TCERG1L: variants seen among roughly 807,000 people sequenced by gnomAD.
TCERG1L encodes transcription elongation regulator 1 like, also known as transcription elongation regulator 1-like protein.
Under a neutral mutation model 56.3 loss-of-function variants are expected in TCERG1L, and 37 were observed. That is an observed-to-expected ratio of 0.66 (90% CI 0.51 to 0.87). TCERG1L has a LOEUF of 0.87. TCERG1L is among the 40% of genes least tolerant of loss of function. TCERG1L has a pLI of 0.00. For synonymous variants in TCERG1L, 324 were observed against 326.3 expected, an observed-to-expected ratio of 0.99 and a Z score of 0.08; for missense variants, 799 against 774.2, an observed-to-expected ratio of 1.03 and a Z score of -0.38.
intron 4 of TCERG1L, among the ~76,000 whole-genome samples, chr10:131,211,071 T>C (rs1490710634): frequency 6.6e-6 from 1 of 152,240 alleles, no homozygotes; most frequent in Non-Finnish European, 1.5e-5. Flanking sequence ...ACGTTTGTTC[T>C]CTGAAGCTGC....
At chr10:131,105,271 A>G (rs1015003637) in intron 9 of TCERG1L, among the ~76,000 whole-genome samples, 16 of 152,130 alleles carry the variant, frequency 1.1e-4, no homozygotes, top group African/African-American at 3.9e-4. Context: ...ATGACTCTTC[A>G]CTGACAGTGG....
At chr10:131,137,438 C>T (rs76097823) in intron 7 of TCERG1L, among the ~76,000 whole-genome samples, 3,064 of 152,308 alleles carry the variant, frequency 0.02, 43 homozygotes, top group South Asian at 0.039. Flanking sequence ...CTCAACTCCC[C>T]GGGCCCTCCG....
At chr10:131,139,690 C>CTGTG (rs10534161) in intron 7 of TCERG1L, among the ~76,000 whole-genome samples, 1 of 150,188 alleles carries the variant, frequency 6.7e-6, no homozygotes, top group African/African-American at 2.5e-5. Context: ...GTGTGTGTGT[C>CTGTG]TGTGTGTGTG....
chr10:131,251,312 G>A (rs1316331803), intron 4 of TCERG1L, among the ~76,000 whole-genome samples: 1 of 115,182 alleles, frequency 8.7e-6, no homozygotes, highest in African/African-American at 3.7e-5. Flanking sequence ...CCTCCCCCCG[G>A]CCCCTCCTCC....
chr10:131,169,411 C>T (rs1286208125), intron 4 of TCERG1L, among the ~76,000 whole-genome samples: 6 of 152,178 alleles, frequency 3.9e-5, no homozygotes, highest in African/African-American at 7.2e-5. Flanking sequence ...CCACCGTTCC[C>T]CTGCCCTCAC....
chr10:131,215,514 C>T (rs922913541), intron 4 of TCERG1L, among the ~76,000 whole-genome samples: 7 of 152,208 alleles, frequency 4.6e-5, no homozygotes, highest in African/African-American at 1.4e-4. Context: ...ATGAATCCAA[C>T]CCGAGGAAAC....
intron 9 of TCERG1L, among the ~76,000 whole-genome samples, chr10:131,108,705 C>A (rs1329713166): frequency 6.6e-6 from 1 of 152,208 alleles, no homozygotes; most frequent in East Asian, 1.9e-4. Context: ...AGCATGGGGG[C>A]ATTGGGCTCC....
rs1246439674 is a variant in TCERG1L, at chr10:131,103,371, C to T, written c.1485+894G>A. Among the ~76,000 whole-genome samples, 2 of 152,126 alleles carry T rather than the reference C, an allele frequency of 1.3e-5. No homozygotes were observed. Among genetic ancestry groups the T allele is most frequent in the Non-Finnish European group, 2.9e-5 (2 of 68,030 alleles). On this transcript the variant is annotated intron_variant, in intron 10 of 11. Coordinates refer to ENST00000368642, the MANE Select transcript of TCERG1L (RefSeq NM_174937.4). This position sits in a 1 kb window ranked among gnomAD's most constrained non-coding sequence, Gnocchi z 4.3. The stretch of plus-strand genomic sequence containing the variant: ...GACAGGCAGTTGTTGGGCAGGTGTC[C>T]TTGCAGAAGTGCTTTTTGTGTGTAT...
intron 11 of TCERG1L, among the ~76,000 whole-genome samples, chr10:131,097,927 T>A (rs1761572687): frequency 6.6e-6 from 1 of 152,200 alleles, no homozygotes; most frequent in Non-Finnish European, 1.5e-5. Context: ...GTAGTCAGCT[T>A]TGCATTTTTG....
intron 4 of TCERG1L, among the ~76,000 whole-genome samples, chr10:131,217,911 A>C (rs1244922455): frequency 6.6e-6 from 1 of 151,964 alleles, no homozygotes; most frequent in African/African-American, 2.4e-5. Context: ...TTTTTAGTAC[A>C]GACGAGGTTT....
At chr10:131,301,812 T>TA (rs2133582715) in intron 3 of TCERG1L, among the ~76,000 whole-genome samples, 1 of 151,696 alleles carries the variant, frequency 6.6e-6, no homozygotes, top group South Asian at 2.1e-4. Context: ...TAAAAGAAAA[T>TA]AAAAAAGCAG....
chr10:131,264,614 A>G (rs1330797009), intron 3 of TCERG1L, among the ~76,000 whole-genome samples: 1 of 152,188 alleles, frequency 6.6e-6, no homozygotes, highest in Non-Finnish European at 1.5e-5. Context: ...GCAGCAGGGA[A>G]AGGCTCGGGC....
At chr10:131,172,766 G>A (rs1847965080) in intron 4 of TCERG1L, among the ~76,000 whole-genome samples, 1 of 152,188 alleles carries the variant, frequency 6.6e-6, no homozygotes, top group African/African-American at 2.4e-5. Context: ...GGAGTCACTG[G>A]AGCCCTGTTT....
intron 4 of TCERG1L, among the ~76,000 whole-genome samples, chr10:131,217,969 C>A (rs1191324522): frequency 2.0e-5 from 3 of 152,092 alleles, no homozygotes; most frequent in Non-Finnish European, 4.4e-5. Flanking sequence ...CGTGATCTGC[C>A]CGTCTTGGCC....
At chr10:131,187,319 C>G (rs1845255249) in intron 4 of TCERG1L, among the ~76,000 whole-genome samples, 1 of 152,204 alleles carries the variant, frequency 6.6e-6, no homozygotes, top group African/African-American at 2.4e-5. Context: ...GCTGTGCAAC[C>G]TCAGAGTCAG....
intron 4 of TCERG1L, among the ~76,000 whole-genome samples, chr10:131,241,726 T>C (rs1845976109): frequency 6.6e-6 from 1 of 152,162 alleles, no homozygotes. Context: ...ACAGCAGGAA[T>C]GTATATGTGT....
chr10:131,273,206 G>A (rs113013714), intron 3 of TCERG1L, among the ~76,000 whole-genome samples: 2,847 of 152,178 alleles, frequency 0.019, 82 homozygotes, highest in African/African-American at 0.063. Flanking sequence ...GGGGCTGCCC[G>A]TGTAGACAGC....
intron 4 of TCERG1L, among the ~76,000 whole-genome samples, chr10:131,176,927 C>T (rs1217558328): frequency 3.4e-5 from 1 of 29,646 alleles, no homozygotes; most frequent in African/African-American, 2.3e-4. Context: ...TACATGCACA[C>T]AGACACGTGA....
Position 131,093,196 on chromosome 10 carries a change from T to G in TCERG1L, c.1727A>C (p.Lys576Thr), listed in dbSNP as rs755293049. The G allele has an allele frequency of 6.2e-7, 1 of 1,613,940 alleles. No homozygotes were observed. Among genetic ancestry groups the G allele is most frequent in the South Asian group, 1.1e-5 (1 of 91,058 alleles). The change falls in exon 12 of 12, where the codon AAG (lysine) becomes ACG (threonine). Residue 576 changes from lysine (K) to threonine (T), a missense_variant. Coordinates refer to ENST00000368642, the MANE Select transcript of TCERG1L (RefSeq NM_174937.4). ...TTTCCGCAGCCTTAGTCTGTTTTCC[T>G]TGTCCCGTTTCTTAAGAATAAGTAT... ...QFILILKKRD[K>T]ENRLRLRKMR
Sources: allele counts gnomAD v4.1 joint callset (sites outside exome capture counted in the v4.1 genomes callset), GRCh38; gene constraint gnomAD v4.1.1; non-coding constraint Gnocchi (gnomAD v3.1); transcripts MANE v1.5; gene names NCBI Gene and HGNC (gene_info 2026-07-23, HGNC 2026-07-21).